DCDC1: variants seen among roughly 807,000 people sequenced by gnomAD.
DCDC1 encodes the protein doublecortin domain containing 1.
In DCDC1, 200 loss-of-function variants were observed where a neutral mutation model predicts 178.3. That is an observed-to-expected ratio of 1.12 (90% CI 1.00 to 1.26). DCDC1 has a LOEUF of 1.26. DCDC1 is among the 50% of genes most tolerant of loss of function. The pLI is 0.00. For missense variants in DCDC1, 1,983 were observed against 1,749.2 expected, an observed-to-expected ratio of 1.13 and a Z score of -2.38; for synonymous variants, 690 against 604.8, an observed-to-expected ratio of 1.14 and a Z score of -2.07.
At chr11:31,369,087 A>C (rs1445023811) in intron 1 of DCDC1, among the ~76,000 whole-genome samples, 4 of 152,074 alleles carry the variant, frequency 2.6e-5, no homozygotes, top group Non-Finnish European at 5.9e-5. Flanking sequence ...CTGCCCTGGG[A>C]ATGTGTAGAC....
chr11:30,881,393 T>C (rs1942654859), intron 36 of DCDC1, 85 bp from the exon 37 acceptor site: 1 of 1,496,628 alleles, frequency 6.7e-7, no homozygotes, highest in Non-Finnish European at 9.0e-7. Flanking sequence ...CTGAGAAAAC[T>C]ATTATCCCAG....
chr11:30,932,453 G>T (rs1022219917), intron 21 of DCDC1, among the ~76,000 whole-genome samples: 1 of 152,088 alleles, frequency 6.6e-6, no homozygotes, highest in African/African-American at 2.4e-5. Context: ...TTTTAATTCA[G>T]TTTGTATCAA....
At chr11:31,211,586 T>C (rs1412975948) in intron 9 of DCDC1, among the ~76,000 whole-genome samples, 1 of 152,208 alleles carries the variant, frequency 6.6e-6, no homozygotes, top group East Asian at 1.9e-4. Context: ...GATACTTTGT[T>C]CTTTAATCGG....
intron 9 of DCDC1, among the ~76,000 whole-genome samples, chr11:31,207,501 CG>C (rs1972000493): frequency 6.6e-6 from 1 of 152,040 alleles, no homozygotes; most frequent in African/African-American, 2.4e-5. Context: ...ATCTTCTCTC[CG>C]CCCATTTTAC....
intron 16 of DCDC1, among the ~76,000 whole-genome samples, chr11:31,093,160 GAA>G (rs1435049997): frequency 1.3e-5 from 2 of 152,148 alleles, no homozygotes; most frequent in Non-Finnish European, 2.9e-5. Context: ...CAGATTTCAG[GAA>G]AAGCTCATGT....
chr11:31,019,380 T>C (rs990051134), intron 20 of DCDC1, among the ~76,000 whole-genome samples: 1 of 152,076 alleles, frequency 6.6e-6, no homozygotes, highest in African/African-American at 2.4e-5. Context: ...CGTGAGAAAC[T>C]TAGAGAATTA....
At chr11:31,201,268 G>A (rs1971252517) in intron 9 of DCDC1, among the ~76,000 whole-genome samples, 1 of 151,676 alleles carries the variant, frequency 6.6e-6, no homozygotes, top group Non-Finnish European at 1.5e-5. Flanking sequence ...TATAAAATAT[G>A]TAATATATTT....
At chr11:31,133,863 T>C (rs945423295) in intron 10 of DCDC1, among the ~76,000 whole-genome samples, 1 of 151,982 alleles carries the variant, frequency 6.6e-6, no homozygotes, top group African/African-American at 2.4e-5. Flanking sequence ...ACCAGCATGC[T>C]CAGCTAATTT....
At chr11:30,868,458 C>T (rs1260686384) in intron 38 of DCDC1, among the ~76,000 whole-genome samples, 1 of 151,846 alleles carries the variant, frequency 6.6e-6, no homozygotes, top group Non-Finnish European at 1.5e-5. Context: ...ACCATGTTGG[C>T]CAGGCTGGTC....
At chr11:31,216,239 G>A (rs1298613725) in intron 9 of DCDC1, among the ~76,000 whole-genome samples, 1 of 152,072 alleles carries the variant, frequency 6.6e-6, no homozygotes, top group Non-Finnish European at 1.5e-5. Context: ...ATAGAAAATG[G>A]GCATGATAGA....
chr11:30,931,769 AC>A lies in DCDC1; in HGVS notation c.2897+1del. On this transcript the variant is annotated splice_donor_variant, in intron 22 of 38. Transcript: ENST00000684477. LOFTEE classifies it high-confidence loss of function. ...TAATAAGTATGAACAAGTTGTTCTTACTGCGTTTTCCGTCCAGGTGAGATAT... is the reference window on the plus strand; with the variant it reads ...TAATAAGTATGAACAAGTTGTTCTTATGCGTTTTCCGTCCAGGTGAGATAT... 1 of 1,608,298 alleles carries A rather than the reference AC, an allele frequency of 6.2e-7. No individual in the cohort carries two copies. The highest frequency in any genetic ancestry group is 8.5e-7 in the Non-Finnish European group (1 of 1,177,126).
intron 17 of DCDC1, among the ~76,000 whole-genome samples, chr11:31,090,370 CTGCT>C (rs1222335606): frequency 2.6e-5 from 4 of 152,142 alleles, no homozygotes; most frequent in African/African-American, 9.7e-5. Flanking sequence ...TAGGGCCTGA[CTGCT>C]TGGGTTTGCC....
At chr11:31,250,738 T>C (rs1372832298) in intron 8 of DCDC1, among the ~76,000 whole-genome samples, 1 of 149,768 alleles carries the variant, frequency 6.7e-6, no homozygotes, top group Non-Finnish European at 1.5e-5. Context: ...TTTCCACTTA[T>C]GTTAGGCAGC....
At chr11:31,165,925 G>A (rs1265395997) in intron 9 of DCDC1, among the ~76,000 whole-genome samples, 1 of 152,136 alleles carries the variant, frequency 6.6e-6, no homozygotes, top group Non-Finnish European at 1.5e-5. Flanking sequence ...CACAGTTCAT[G>A]TGCTTACCAT....
chr11:30,973,554 C>A (rs291143), intron 20 of DCDC1, among the ~76,000 whole-genome samples: 3,555 of 152,120 alleles, frequency 0.023, 152 homozygotes, highest in African/African-American at 0.082. Flanking sequence ...GTAAAGGAGT[C>A]GAAAAACAGA....
chr11:31,198,854 C>T (rs1173906808), intron 9 of DCDC1, among the ~76,000 whole-genome samples: 1 of 151,870 alleles, frequency 6.6e-6, no homozygotes, highest in Non-Finnish European at 1.5e-5. Context: ...GTTCATGATT[C>T]TTGAAGTTGC....
chr11:30,890,485 TG>T (rs777437884), intron 36 of DCDC1, among the ~76,000 whole-genome samples: 6 of 152,220 alleles, frequency 3.9e-5, no homozygotes, highest in Non-Finnish European at 7.3e-5. Flanking sequence ...CCACCCTAGG[TG>T]GGTACTGTGC....
chr11:30,900,976 C>A (rs554078902), intron 32 of DCDC1, among the ~76,000 whole-genome samples: 1 of 151,990 alleles, frequency 6.6e-6, no homozygotes, highest in East Asian at 1.9e-4. Flanking sequence ...GATGAACATC[C>A]AATAAATGTT....
At chr11:30,943,169 T>A (rs1418267994) in intron 21 of DCDC1, 3 of 152,196 alleles carry the variant, frequency 2.0e-5, no homozygotes, top group Non-Finnish European at 4.4e-5. Context: ...GCTGTGGTGC[T>A]CCCTTAAATT....
Sources: gnomAD v4.1 joint callset for allele counts (sites outside exome capture counted in the v4.1 genomes callset) on GRCh38, gnomAD v4.1.1 for gene constraint, MANE v1.5 for transcripts, NCBI Gene and HGNC (gene_info 2026-07-23, HGNC 2026-07-21) for gene names.